Variants in KLF1 observed in about 807,000 individuals in gnomAD.
KLF1 encodes the protein Krueppel-like factor 1.
KLF1 carries 29 observed loss-of-function variants against 28.0 expected under a neutral mutation model. The ratio of observed to expected loss-of-function variants is 1.04; its 90% CI spans 0.77 to 1.41. The LOEUF (loss-of-function observed/expected upper bound fraction) is 1.41, where lower values mean the gene tolerates loss of function less well. Among genes scored for constraint, KLF1 ranks in the 40% most tolerant of loss-of-function variants. The probability of loss-of-function intolerance (pLI) is 0.00; values close to 1 mark genes in which losing one functional copy is unlikely to be tolerated. For missense variants in KLF1, 508 were observed against 515.1 expected (o/e 0.99, Z 0.13); for synonymous variants, 262 against 242.6 (o/e 1.08, Z -0.74).
chr19:12,885,826 C>A lies in KLF1; in HGVS notation c.404G>T (p.Trp135Leu). 5 of 1,549,884 alleles carry A rather than the reference C, an allele frequency of 3.2e-6. No homozygotes were observed. Among genetic ancestry groups the A allele is most frequent in the Non-Finnish European group, 4.4e-6 (5 of 1,147,076 alleles). The change falls in exon 2 of 3, where the codon TGG (tryptophan) becomes TTG (leucine). Residue 135 changes from tryptophan to leucine, a missense_variant. Transcript: ENST00000264834. The surrounding 1 kb of genome is among the most constrained non-coding windows in gnomAD (Gnocchi z 5.6). Reference sequence around the variant, plus strand: ...CCGGGCTCGCAGGGCAGGGCGCACCCAACCCGAGTGATCCTCCGAACCCAA... The same window carrying A: ...CCGGGCTCGCAGGGCAGGGCGCACCAAACCCGAGTGATCCTCCGAACCCAA... ...GLLGSEDHSGWVRPALRARAP... is the reference protein window; with the variant it reads ...GLLGSEDHSGLVRPALRARAP...
At position 12,885,230 on chromosome 19, in the gene KLF1, C is replaced by T; in HGVS notation, c.913+87G>A. 1 of 1,389,486 alleles carries T rather than the reference C, an allele frequency of 7.2e-7. No homozygotes were observed. Among genetic ancestry groups the T allele is most frequent in the East Asian group, 2.5e-5 (1 of 40,032 alleles). 86.1% of individuals were successfully genotyped at this position (1,389,486 alleles called of 1,614,324 possible). On this transcript the variant is annotated intron_variant, in intron 2 of 2. Transcript: ENST00000264834. The surrounding 1 kb of genome is among the most constrained non-coding windows in gnomAD (Gnocchi z 5.6). ...ACTCACTCTCAGAGGCCAGCCAAGT[C>T]CAAGTCCCGCCCTCTGCAACCCTTC...
At position 12,885,297 on chromosome 19, in the gene KLF1, C is replaced by G. The variant is rs1472175668; in HGVS notation, c.913+20G>C. ...GCGGGCGCCGCGCCCTTTCTCATGT[C>G]CGGGGCCCCGCCCCCTCACCTGTGT... is the stretch of plus-strand genomic sequence containing the variant. On this transcript the variant is annotated intron_variant, in intron 2 of 2. Coordinates refer to ENST00000264834, the MANE Select transcript of KLF1 (RefSeq NM_006563.5). This position sits in a 1 kb window ranked among gnomAD's most constrained non-coding sequence, Gnocchi z 5.6. 2 of 1,556,866 alleles carry G rather than the reference C, an allele frequency of 1.3e-6. No homozygotes were observed. Among genetic ancestry groups the G allele is most frequent in the African/African-American group, 2.7e-5 (2 of 73,526 alleles).
Position 12,885,537 on chromosome 19 carries a change from C to A in KLF1, c.693G>T (p.Thr231=), listed in dbSNP as rs1267172121. Residue 231 remains threonine, a synonymous_variant, in exon 2 of 3, where the codon ACG becomes ACT. Transcript: ENST00000264834. The surrounding 1 kb of genome is among the most constrained non-coding windows in gnomAD (Gnocchi z 5.6). ...CCAAACAACTCAGGAAGGAGGGGGA[C>A]GTGGCGGGACCGGGCGCGGGTCCCT... ...GLQGPAPGPA[T]SPSFLSCLGP... is the part of the protein sequence containing the mutation. 6.3e-7 allele frequency: 1 copy of A among 1,579,970 alleles called. No individual in the cohort carries two copies. Among genetic ancestry groups the A allele is most frequent in the Non-Finnish European group, 8.6e-7 (1 of 1,163,928 alleles).
chr19:12,885,046 C>A lies in KLF1; in HGVS notation c.928G>T (p.Ala310Ser), dbSNP rs145551738. 2.5e-6 allele frequency: 4 copies of A among 1,605,972 alleles called. No homozygotes were observed. The African/African-American group carries it at 5.3e-5, about 21-fold the overall frequency. ...LRTHTGEKPYACTWEGCGWRF... is the reference protein window; with the variant it reads ...LRTHTGEKPYSCTWEGCGWRF... ...CAGCCGCAGCCTTCCCACGTGCAGG[C>A]GTATGGCTTCTCCCCTAGGGGACAA... is the stretch of plus-strand genomic sequence containing the variant. Residue 310 changes from alanine to serine, a missense_variant, in exon 3 of 3, where the codon GCC (alanine) becomes TCC (serine). Physicochemically the swap from Ala to Ser is moderately conservative, Grantham distance 99. Transcript: ENST00000264834. This position sits in a 1 kb window ranked among gnomAD's most constrained non-coding sequence, Gnocchi z 5.6.
chr19:12,884,622 G>A lies in KLF1; in HGVS notation c.*263C>T, dbSNP rs867980189. On this transcript the variant is annotated 3_prime_UTR_variant, in exon 3 of 3. Transcript: ENST00000264834. ...GTTTATTTGGCGGTCTGTCTCACTG[G>A]GTTTGCACGACAGTTTGGACATCTC... The A allele has an allele frequency of 5.0e-5, 27 of 538,698 alleles. No homozygotes were observed. The highest frequency in any genetic ancestry group is 5.0e-4 in the Middle Eastern group (1 of 2,006). 33.4% of individuals were successfully genotyped at this position (538,698 alleles called of 1,614,324 possible).
At position 12,885,305 on chromosome 19, in the gene KLF1, C is replaced by T. The variant is rs1332296671; in HGVS notation, c.913+12G>A. 2 of 1,565,632 alleles carry T rather than the reference C, an allele frequency of 1.3e-6. No individual in the cohort carries two copies. ...CGCGCCCTTTCTCATGTCCGGGGCC[C>T]CGCCCCCTCACCTGTGTGCGTGCGC... is the stretch of plus-strand genomic sequence containing the variant. On this transcript the variant is annotated intron_variant, in intron 2 of 2. Coordinates refer to ENST00000264834, the MANE Select transcript of KLF1 (RefSeq NM_006563.5). This position sits in a 1 kb window ranked among gnomAD's most constrained non-coding sequence, Gnocchi z 5.6.
In KLF1 at chr19:12,885,453, G is replaced by A. The variant is rs148047784; in HGVS notation, c.777C>T (p.Ala259=). Residue 259 remains alanine, a synonymous_variant, in exon 2 of 3, where the codon GCC becomes GCT. Coordinates refer to ENST00000264834, the MANE Select transcript of KLF1 (RefSeq NM_006563.5). This position sits in a 1 kb window ranked among gnomAD's most constrained non-coding sequence, Gnocchi z 5.6. ...GGTAEDPGVI[A]ETAPSKRGRR... is the part of the protein sequence containing the mutation. ...GGCCTCGCTTGGATGGCGCGGTCTC[G>A]GCTATCACACCTGGATCCTCTGCAG... is the stretch of plus-strand genomic sequence containing the variant. The A allele has an allele frequency of 3.7e-6, 6 of 1,604,388 alleles. No individual in the cohort carries two copies. The highest frequency in any genetic ancestry group is 1.1e-5 in the South Asian group (1 of 89,798).
intron 1 of KLF1, among the ~76,000 whole-genome samples, 168 bp from the exon 2 acceptor site, chr19:12,886,310 T>TC (rs113487247): frequency 0.011 from 1,595 of 148,490 alleles, 33 homozygotes; most frequent in African/African-American, 0.037. Flanking sequence ...CTCTCCCCGC[T>TC]CCCCCCCCAG....
In KLF1 at chr19:12,885,909, C is replaced by A. The variant is rs1433810813; in HGVS notation, c.321G>T (p.Pro107=). 2.6e-6 allele frequency: 4 copies of A among 1,551,730 alleles called. No homozygotes were observed. Among genetic ancestry groups the A allele is most frequent in the African/African-American group, 1.4e-5 (1 of 73,154 alleles). Reference sequence around the variant, plus strand: ...ATGCGCCCAGAGTCTCGGGCGGCGGCGGATATTGCGCCCCGGAGGCCTCGC... The same window carrying A: ...ATGCGCCCAGAGTCTCGGGCGGCGGAGGATATTGCGCCCCGGAGGCCTCGC... ...APSEASGAQY[P]PPPETLGAYA... The change falls in exon 2 of 3, where the codon CCG becomes CCT. Residue 107 remains proline, a synonymous_variant. Transcript: ENST00000264834. The surrounding 1 kb of genome is among the most constrained non-coding windows in gnomAD (Gnocchi z 5.6).
In KLF1 at chr19:12,884,992, G is replaced by A; in HGVS notation, c.982C>T (p.Arg328Cys). The A allele has an allele frequency of 6.2e-7, 1 of 1,611,216 alleles. No individual in the cohort carries two copies. The highest frequency in any genetic ancestry group is 1.3e-5 in the African/African-American group (1 of 75,042). ...WRFARSDELT[R>C]HYRKHTGQRP... is the part of the protein sequence containing the mutation. ...TGCCCCGTGTGTTTCCGGTAGTGGC[G>A]GGTCAGCTCGTCCGAGCGCGCGAAT... Residue 328 changes from arginine to cysteine, a missense_variant, in exon 3 of 3, where the codon CGC (arginine) becomes TGC (cysteine). Coordinates refer to ENST00000264834, the MANE Select transcript of KLF1 (RefSeq NM_006563.5).
Position 12,885,263 on chromosome 19 carries a change from G to A in KLF1, c.913+54C>T. ...CGCCCTCTGCAACCCTTCTTCCCCTGTAACTACAGCGGGCGCCGCGCCCTT... is the reference window on the plus strand; with the variant it reads ...CGCCCTCTGCAACCCTTCTTCCCCTATAACTACAGCGGGCGCCGCGCCCTT... On this transcript the variant is annotated intron_variant, in intron 2 of 2. Coordinates refer to ENST00000264834, the MANE Select transcript of KLF1 (RefSeq NM_006563.5). The surrounding 1 kb of genome is among the most constrained non-coding windows in gnomAD (Gnocchi z 5.6). 1 of 1,486,362 alleles carries A rather than the reference G, an allele frequency of 6.7e-7. No homozygotes were observed. The highest frequency in any genetic ancestry group is 9.1e-7 in the Non-Finnish European group (1 of 1,093,386). The allele number at this position is 1,486,362 out of a possible 1,614,324, so 92.1% of individuals were successfully genotyped here.
In KLF1 at chr19:12,885,400, G is replaced by C; in HGVS notation, c.830C>G (p.Ala277Gly). ...ACCCGGGTGCGCGCACGTGTGCGCT[G>C]CCTGCCTCTTGCGCGCCCACGAACG... ...GRRSWARKRQ[A>G]AHTCAHPGCG... Residue 277 changes from alanine (A) to glycine (G), a missense_variant, in exon 2 of 3, where the codon GCA (alanine) becomes GGA (glycine). Ala to Gly is a moderately conservative substitution (Grantham distance 60). Transcript: ENST00000264834. The surrounding 1 kb of genome is among the most constrained non-coding windows in gnomAD (Gnocchi z 5.6). 1.2e-6 allele frequency: 2 copies of C among 1,606,180 alleles called. No individual in the cohort carries two copies. The highest frequency in any genetic ancestry group is 1.3e-5 in the African/African-American group (1 of 74,944).
In KLF1 at chr19:12,885,982, G is replaced by A. The variant is rs374473630; in HGVS notation, c.248C>T (p.Ser83Leu). 3 of 1,588,876 alleles carry A rather than the reference G, an allele frequency of 1.9e-6. No individual in the cohort carries two copies. The highest frequency in any genetic ancestry group is 1.3e-5 in the African/African-American group (1 of 74,516). ...WDLDLLLTNFSGPEPGGAPQT... is the reference protein window; with the variant it reads ...WDLDLLLTNFLGPEPGGAPQT... ...GGGCGCGCCACCGGGCTCCGGGCCCGAGAAGTTGGTGAGGAGGAGATCCAG... is the reference window on the plus strand; with the variant it reads ...GGGCGCGCCACCGGGCTCCGGGCCCAAGAAGTTGGTGAGGAGGAGATCCAG... The change falls in exon 2 of 3, where the codon TCG becomes TTG. Residue 83 changes from serine to leucine, a missense_variant. Transcript: ENST00000264834. The surrounding 1 kb of genome is among the most constrained non-coding windows in gnomAD (Gnocchi z 5.6).
chr19:12,886,032 CTCA>C lies in KLF1; in HGVS notation c.195_197del (p.Asp65del), dbSNP rs781252723. On this transcript the variant is annotated inframe_deletion, in exon 2 of 3. Transcript: ENST00000264834. ...GGTCCCAGGTGGCGTCCGCGCCCCT[CTCA>C]TCGTCCTCTTCCTCCCCGGGCTGGT... is the stretch of plus-strand genomic sequence containing the variant. 1 of 1,608,558 alleles carries C rather than the reference CTCA, an allele frequency of 6.2e-7. No homozygotes were observed. The highest frequency in any genetic ancestry group is 1.1e-5 in the South Asian group (1 of 90,106).
At chr19:12,886,270 A>G (rs932587349) in intron 1 of KLF1, 128 bp from the exon 2 acceptor site, 23 of 667,800 alleles carry the variant, frequency 3.4e-5, no homozygotes, top group African/African-American at 5.5e-5. Flanking sequence ...TGTCTGTCCC[A>G]CTTCCCCAAC....
chr19:12,884,775 G>A lies in KLF1; in HGVS notation c.*110C>T, dbSNP rs185829666. 6.1e-5 allele frequency: 75 copies of A among 1,230,356 alleles called. No individual in the cohort carries two copies. In the African/African-American group the frequency reaches 9.6e-4, roughly 16 times the overall value. The allele number at this position is 1,230,356 out of a possible 1,614,324, so 76.2% of individuals were successfully genotyped here. A position where few individuals can be genotyped will look rare whatever the true frequency, so the allele number is the denominator to read the frequency against. On this transcript the variant is annotated 3_prime_UTR_variant, in exon 3 of 3. Coordinates refer to ENST00000264834, the MANE Select transcript of KLF1 (RefSeq NM_006563.5). ...CGCGAGTCCAGGAGAGGGTCCATTC[G>A]TGGGAAAACCACCCAGCATTGTGTC...
rs1970422982 is a variant in KLF1 at position 12,885,231 on chromosome 19, C to A, written c.913+86G>T. 1.4e-6 allele frequency: 2 copies of A among 1,392,162 alleles called. No homozygotes were observed. Among genetic ancestry groups the A allele is most frequent in the South Asian group, 2.5e-5 (2 of 78,902 alleles). 86.2% of individuals were successfully genotyped at this position (1,392,162 alleles called of 1,614,324 possible). A position where few individuals can be genotyped will look rare whatever the true frequency, so the allele number is the denominator to read the frequency against. ...CTCACTCTCAGAGGCCAGCCAAGTC[C>A]AAGTCCCGCCCTCTGCAACCCTTCT... On this transcript the variant is annotated intron_variant, in intron 2 of 2. Transcript: ENST00000264834. The surrounding 1 kb of genome is among the most constrained non-coding windows in gnomAD (Gnocchi z 5.6).
chr19:12,885,758 C>T lies in KLF1; in HGVS notation c.472G>A (p.Ala158Thr), dbSNP rs869099794. ...FVGPALAPAP[A>T]PEPKALALQP... ...AGCGCCAGCGCCTTGGGCTCGGGGGCCGGGGCTGGAGCCAGGGCTGGGCCC... is the reference window on the plus strand; with the variant it reads ...AGCGCCAGCGCCTTGGGCTCGGGGGTCGGGGCTGGAGCCAGGGCTGGGCCC... The change falls in exon 2 of 3, where the codon GCC becomes ACC. Residue 158 changes from alanine (A) to threonine (T), a missense_variant. Coordinates refer to ENST00000264834, the MANE Select transcript of KLF1 (RefSeq NM_006563.5). This position sits in a 1 kb window ranked among gnomAD's most constrained non-coding sequence, Gnocchi z 5.6. The T allele has an allele frequency of 1.3e-6, 2 of 1,510,168 alleles. No homozygotes were observed. The highest frequency in any genetic ancestry group is 2.3e-5 in the Admixed American group (1 of 44,194). 93.5% of individuals were successfully genotyped at this position (1,510,168 alleles called of 1,614,324 possible).
Position 12,884,740 on chromosome 19 carries a change from T to A in KLF1, c.*145A>T, listed in dbSNP as rs1970415936. 1 of 862,912 alleles carries A rather than the reference T, an allele frequency of 1.2e-6. No individual in the cohort carries two copies. 53.5% of individuals were successfully genotyped at this position (862,912 alleles called of 1,614,324 possible). On this transcript the variant is annotated 3_prime_UTR_variant, in exon 3 of 3. Transcript: ENST00000264834. ...GGTCCGTGTTTGATATTTGGGTGGA[T>A]CTTTGGGAACGCGAGTCCAGGAGAG...
Sources: gnomAD v4.1 joint callset for allele counts (sites outside exome capture counted in the v4.1 genomes callset) on GRCh38, gnomAD v4.1.1 for gene constraint, Gnocchi (gnomAD v3.1) non-coding constraint, MANE v1.5 for transcripts, NCBI Gene and HGNC (gene_info 2026-07-23, HGNC 2026-07-21) for gene names.